Variants in AGBL1 observed in about 807,000 individuals in gnomAD.
AGBL1 encodes the protein cytosolic carboxypeptidase 4.
AGBL1 carries 130 observed loss-of-function variants against 118.9 expected under a neutral mutation model. The observed-to-expected ratio is 1.09, with a 90% confidence interval of 0.95 to 1.26. The LOEUF (loss-of-function observed/expected upper bound fraction) is 1.26, where lower values mean the gene tolerates loss of function less well. AGBL1 is among the 50% of genes most tolerant of loss of function. The pLI is 0.00. For missense variants in AGBL1, 1,584 were observed against 1,298.1 expected, an observed-to-expected ratio of 1.22 and a Z score of -3.38; for synonymous variants, 555 against 478.9, an observed-to-expected ratio of 1.16 and a Z score of -2.08.
chr15:86,978,371 A>G (rs984672778), intron 23 of AGBL1, among the ~76,000 whole-genome samples: 3 of 152,228 alleles, frequency 2.0e-5, no homozygotes, highest in African/African-American at 2.4e-5. Context: ...AGTGATGGTC[A>G]TAAATATTCA....
At chr15:86,703,123 G>C (rs775459384) in intron 22 of AGBL1, among the ~76,000 whole-genome samples, 13 of 152,174 alleles carry the variant, frequency 8.5e-5, no homozygotes, top group Non-Finnish European at 1.5e-4. Flanking sequence ...ACTGGGTAGA[G>C]TGGTGATAAT....
At chr15:86,982,943 G>A (rs142728703) in intron 23 of AGBL1, among the ~76,000 whole-genome samples, 8 of 152,258 alleles carry the variant, frequency 5.3e-5, no homozygotes, top group African/African-American at 1.9e-4. Flanking sequence ...TTGAGAACCT[G>A]TGAGTTTGTC....
intron 18 of AGBL1, among the ~76,000 whole-genome samples, chr15:86,460,098 C>T (rs939857395): frequency 1.3e-5 from 2 of 151,908 alleles, no homozygotes; most frequent in Admixed American, 1.3e-4. Flanking sequence ...AGAGTGTTTA[C>T]TTGATACTCG....
rs1347450527 is a variant in AGBL1 at position 86,588,591 on chromosome 15, C to CG, written c.2994+34056dup. On this transcript the variant is annotated intron_variant, in intron 21 of 22. Coordinates refer to ENST00000614907, the MANE Select transcript of AGBL1 (RefSeq NM_001386094.1). ...CTCATTTGCCTGAAGTCAGACACCA[C>CG]GGCAACCACAACCTGATCAAATCCA... Among the ~76,000 whole-genome samples, 11 of 152,198 alleles carry CG rather than the reference C, an allele frequency of 7.2e-5. No individual in the cohort carries two copies. The East Asian group carries it at 2.1e-3, about 29-fold the overall frequency.
chr15:86,858,574 C>T (rs1337563395), intron 22 of AGBL1, among the ~76,000 whole-genome samples: 1 of 151,858 alleles, frequency 6.6e-6, no homozygotes, highest in African/African-American at 2.4e-5. Context: ...CACGGACAAC[C>T]TATTATGTCC....
intron 17 of AGBL1, among the ~76,000 whole-genome samples, chr15:86,308,607 G>A (rs772827941): frequency 2.6e-5 from 4 of 152,174 alleles, no homozygotes; most frequent in Non-Finnish European, 4.4e-5. Context: ...TGTATATGGT[G>A]TAAGATAAGG....
At chr15:86,842,152 T>C (rs1386500401) in intron 22 of AGBL1, among the ~76,000 whole-genome samples, 3 of 151,928 alleles carry the variant, frequency 2.0e-5, no homozygotes, top group Non-Finnish European at 4.4e-5. Context: ...CTAGTTCTCA[T>C]TGAGAGTGTG....
At chr15:86,277,326 G>A (rs55704946) in intron 15 of AGBL1, among the ~76,000 whole-genome samples, 4,275 of 51,102 alleles carry the variant, frequency 0.084, 67 homozygotes, top group Middle Eastern at 0.17. Flanking sequence ...GTATGTGTGT[G>A]TGTGTGTGTG....
intron 21 of AGBL1, among the ~76,000 whole-genome samples, chr15:86,632,252 C>A (rs1006023702): frequency 7.0e-6 from 1 of 142,500 alleles, no homozygotes; most frequent in South Asian, 2.2e-4. Context: ...AGGGTGGCAG[C>A]GCAAGACCCT....
chr15:86,208,099 T>G (rs2078025337), intron 5 of AGBL1, among the ~76,000 whole-genome samples: 1 of 152,200 alleles, frequency 6.6e-6, no homozygotes, highest in African/African-American at 2.4e-5. Flanking sequence ...TGTCATTGGT[T>G]CTGTTTATGT....
intron 23 of AGBL1, among the ~76,000 whole-genome samples, chr15:86,979,489 CT>C (rs60598448): frequency 6.6e-6 from 1 of 150,742 alleles, no homozygotes; most frequent in African/African-American, 2.4e-5. Flanking sequence ...TTTTTTCTTT[CT>C]TTTTTTTGGC....
chr15:86,891,493 A>C (rs976316449), intron 22 of AGBL1, among the ~76,000 whole-genome samples: 2 of 151,980 alleles, frequency 1.3e-5, no homozygotes, highest in African/African-American at 4.8e-5. Flanking sequence ...TATCTTAGCC[A>C]TACCTGATTA....
chr15:86,260,153 A>G (rs2142021974), intron 9 of AGBL1, among the ~76,000 whole-genome samples: 1 of 152,374 alleles, frequency 6.6e-6, no homozygotes, highest in Non-Finnish European at 1.5e-5. Flanking sequence ...GCACAGCAAG[A>G]GCAAGGAAAC....
chr15:86,228,507 G>A (rs1231678738), intron 6 of AGBL1, among the ~76,000 whole-genome samples: 9 of 152,134 alleles, frequency 5.9e-5, no homozygotes, highest in Non-Finnish European at 1.0e-4. Flanking sequence ...GGGAGAGGGG[G>A]CAGTCAGTGG....
intron 23 of AGBL1, among the ~76,000 whole-genome samples, chr15:86,972,318 G>A (rs1162549694): frequency 6.6e-6 from 1 of 151,962 alleles, no homozygotes; most frequent in African/African-American, 2.4e-5. Context: ...AATAGGCCTT[G>A]CTATTTGCCC....
rs368752026 is a variant in AGBL1 at position 86,339,836 on chromosome 15, G to A, written c.2374+44428G>A. Among the ~76,000 whole-genome samples the A allele has an allele frequency of 3.9e-5, 6 of 152,076 alleles. No individual in the cohort carries two copies. In the East Asian group the frequency reaches 7.7e-4, roughly 20 times the overall value. On this transcript the variant is annotated intron_variant, in intron 17 of 22. Coordinates refer to ENST00000614907, the MANE Select transcript of AGBL1 (RefSeq NM_001386094.1). ...ACAAAAATTAGCTGGGCGTAGTGGC[G>A]CATGCCTTAATCCCAGCTACTCGGG...
chr15:86,365,102 A>G (rs2080868533), intron 17 of AGBL1, among the ~76,000 whole-genome samples: 1 of 151,330 alleles, frequency 6.6e-6, no homozygotes, highest in African/African-American at 2.4e-5. Flanking sequence ...TGATTTATTT[A>G]CATCTCCAGA....
At chr15:86,296,049 C>T (rs2079631923) in intron 17 of AGBL1, 1 of 152,138 alleles carries the variant, frequency 6.6e-6, no homozygotes, top group Non-Finnish European at 1.5e-5. Context: ...CATGTGTAGA[C>T]ACAAACATAT....
chr15:86,462,664 T>C (rs2082349106), intron 18 of AGBL1, among the ~76,000 whole-genome samples: 1 of 152,098 alleles, frequency 6.6e-6, no homozygotes, highest in African/African-American at 2.4e-5. Context: ...AACTCCTACT[T>C]ATCAGTGAGA....
Sources: gnomAD v4.1 joint callset for allele counts (sites outside exome capture counted in the v4.1 genomes callset) on GRCh38, gnomAD v4.1.1 for gene constraint, MANE v1.5 for transcripts, NCBI Gene and HGNC (gene_info 2026-07-23, HGNC 2026-07-21) for gene names.